The following GABRG3 variants were observed in gnomAD, a reference collection of about 807,000 sequenced individuals.
GABRG3 encodes gamma-aminobutyric acid type A receptor subunit gamma3.
A neutral mutation model predicts 48.8 loss-of-function variants in GABRG3; 25 were observed. That is an observed-to-expected ratio of 0.51 (90% CI 0.37 to 0.72). The LOEUF (loss-of-function observed/expected upper bound fraction) is 0.72, where lower values mean the gene tolerates loss of function less well. GABRG3 is among the 30% of genes least tolerant of loss of function. The pLI is 0.00. For missense variants in GABRG3, 394 were observed against 577.9 expected, an observed-to-expected ratio of 0.68 and a Z score of 3.26; for synonymous variants, 227 against 217.6, an observed-to-expected ratio of 1.04 and a Z score of -0.38.
chr15:26,979,877 C>T (rs1895020753), intron 2 of GABRG3, among the ~76,000 whole-genome samples: 1 of 152,092 alleles, frequency 6.6e-6, no homozygotes. Flanking sequence ...GGACGTACTC[C>T]CTCATCTTCT....
At chr15:27,439,186 G>A (rs993449472) in intron 5 of GABRG3, among the ~76,000 whole-genome samples, 6 of 152,116 alleles carry the variant, frequency 3.9e-5, no homozygotes, top group African/African-American at 1.2e-4. Flanking sequence ...TCCTCCAAAC[G>A]GGAGATGAAT....
chr15:27,422,678 G>T (rs1026317940), intron 5 of GABRG3, among the ~76,000 whole-genome samples: 2 of 152,266 alleles, frequency 1.3e-5, no homozygotes, highest in East Asian at 3.9e-4. Context: ...GGGTTTCTTT[G>T]TCATACTGTT....
In GABRG3 at chr15:27,326,827, T is replaced by A; in HGVS notation, c.289T>A (p.Phe97Ile). The A allele has an allele frequency of 6.2e-7, 1 of 1,613,542 alleles. No individual in the cohort carries two copies. The highest frequency in any genetic ancestry group is 8.5e-7 in the Non-Finnish European group (1 of 1,179,480). ...GTTTCAGGAATACCAAATTGACATA[T>A]TTTTTGCTCAGACCTGGACAGATAG... ...SINMEYQIDI[F>I]FAQTWTDSRL... The change falls in exon 4 of 10, where the codon TTT (phenylalanine) becomes ATT (isoleucine). Residue 97 changes from phenylalanine (F) to isoleucine (I), a missense_variant. Phe to Ile is a conservative substitution (Grantham distance 21). Coordinates refer to ENST00000615808, the MANE Select transcript of GABRG3 (RefSeq NM_033223.5).
intron 5 of GABRG3, among the ~76,000 whole-genome samples, chr15:27,426,681 A>G (rs1888303313): frequency 6.6e-6 from 1 of 152,086 alleles, no homozygotes; most frequent in South Asian, 2.1e-4. Context: ...AAAAAATAAA[A>G]TTTAGTTGGG....
intron 3 of GABRG3, among the ~76,000 whole-genome samples, chr15:27,244,762 C>A (rs557236595): frequency 6.6e-6 from 1 of 151,842 alleles, no homozygotes; most frequent in South Asian, 2.1e-4. Flanking sequence ...CAGTCTGGCA[C>A]CTGAGTGAGA....
At chr15:27,048,041 T>G (rs553944926) in intron 3 of GABRG3, among the ~76,000 whole-genome samples, 8 of 152,152 alleles carry the variant, frequency 5.3e-5, no homozygotes, top group African/African-American at 1.9e-4. Context: ...ACACAGATAG[T>G]CGGTGAGTGA....
chr15:27,002,516 C>T (rs1418057954), intron 2 of GABRG3, among the ~76,000 whole-genome samples: 1 of 152,182 alleles, frequency 6.6e-6, no homozygotes, highest in Admixed American at 6.5e-5. Flanking sequence ...ACTTTTAGTG[C>T]AGCATTTCAT....
chr15:27,061,446 C>CT lies in GABRG3; in HGVS notation c.270+34640dup, dbSNP rs35770540. ...ACAATGCTCCATTGAGGTAACTGCT[C>CT]TTTTTTTTTTTTTTTGTTAAAATTA... On this transcript the variant is annotated intron_variant, in intron 3 of 9. Coordinates refer to ENST00000615808, the MANE Select transcript of GABRG3 (RefSeq NM_033223.5). Among the ~76,000 whole-genome samples, 358 of 142,668 alleles carry CT rather than the reference C, an allele frequency of 2.5e-3. 2 individuals carry two copies. Among genetic ancestry groups the CT allele is most frequent in the South Asian group, 0.023 (105 of 4,474 alleles). The allele number at this position is 142,668 out of a possible 152,430, so 93.6% of individuals were successfully genotyped here. A position where few individuals can be genotyped will look rare whatever the true frequency, so the allele number is the denominator to read the frequency against.
At chr15:27,531,444 G>C (rs1891422195) in intron 9 of GABRG3, among the ~76,000 whole-genome samples, 1 of 152,182 alleles carries the variant, frequency 6.6e-6, no homozygotes, top group South Asian at 2.1e-4. Context: ...AAGTATAAGA[G>C]GTTGTTACGA....
At chr15:27,490,318 C>G (rs886536107) in intron 6 of GABRG3, among the ~76,000 whole-genome samples, 4 of 152,212 alleles carry the variant, frequency 2.6e-5, no homozygotes, top group Non-Finnish European at 5.9e-5. Context: ...AAAGTCCACA[C>G]TGCTTCTGTG....
At chr15:27,525,321 G>A (rs944871955) in intron 7 of GABRG3, among the ~76,000 whole-genome samples, 12 of 152,160 alleles carry the variant, frequency 7.9e-5, no homozygotes, top group Admixed American at 7.2e-4. Flanking sequence ...CTAGGATTCT[G>A]TGAGACCAGA....
chr15:27,479,732 T>A (rs946584528), intron 5 of GABRG3, among the ~76,000 whole-genome samples: 2 of 152,232 alleles, frequency 1.3e-5, no homozygotes, highest in Non-Finnish European at 2.9e-5. Flanking sequence ...ATGCCAATGC[T>A]GTCACGTGTT....
chr15:27,145,641 C>CTATCTATCTATCTATCTATCTT (rs1898194518), intron 3 of GABRG3, among the ~76,000 whole-genome samples: 2 of 149,570 alleles, frequency 1.3e-5, no homozygotes, highest in African/African-American at 2.5e-5. Context: ...ATCTATCTAT[C>CTATCTATCTATCTATCTATCTT]TATCTATCTA....
At chr15:27,439,457 A>C (rs577086985) in intron 5 of GABRG3, among the ~76,000 whole-genome samples, 46 of 152,196 alleles carry the variant, frequency 3.0e-4, no homozygotes, top group African/African-American at 1.1e-3. Context: ...CTGCAGATTG[A>C]TGTTGATCAT....
chr15:27,337,089 C>G (rs1387113574), intron 5 of GABRG3, among the ~76,000 whole-genome samples: 1 of 152,194 alleles, frequency 6.6e-6, no homozygotes, highest in Non-Finnish European at 1.5e-5. Context: ...TGACAGTACT[C>G]TACAAGGTGA....
At chr15:27,085,391 C>G (rs1345339609) in intron 3 of GABRG3, among the ~76,000 whole-genome samples, 1 of 152,192 alleles carries the variant, frequency 6.6e-6, no homozygotes, top group Non-Finnish European at 1.5e-5. Flanking sequence ...AGCTTTTCTC[C>G]AAACAAATCA....
chr15:27,403,741 C>G (rs1887540143), intron 5 of GABRG3, among the ~76,000 whole-genome samples: 1 of 150,304 alleles, frequency 6.7e-6, no homozygotes. Flanking sequence ...GGTGAAACCC[C>G]GTCTCTACTA....
intron 7 of GABRG3, 131 bp from the exon 8 acceptor site, chr15:27,527,302 A>G: frequency 1.5e-6 from 1 of 660,280 alleles, no homozygotes; most frequent in Non-Finnish European, 2.5e-6. Flanking sequence ...TCAAAGTAAC[A>G]TTACATGAGG....
intron 2 of GABRG3, among the ~76,000 whole-genome samples, chr15:26,977,743 G>C (rs1039321099): frequency 6.6e-6 from 1 of 152,048 alleles, no homozygotes; most frequent in Non-Finnish European, 1.5e-5. Context: ...CATTTTGATT[G>C]TTTCCTGTTT....
Sources: gnomAD v4.1 joint callset for allele counts (sites outside exome capture counted in the v4.1 genomes callset) on GRCh38, gnomAD v4.1.1 for gene constraint, MANE v1.5 for transcripts, NCBI Gene and HGNC (gene_info 2026-07-23, HGNC 2026-07-21) for gene names.